The following HCN1 variants were observed in gnomAD, a reference collection of about 807,000 sequenced individuals.
HCN1 encodes the protein potassium/sodium hyperpolarization-activated cyclic nucleotide-gated channel 1.
HCN1 carries 13 observed loss-of-function variants against 78.9 expected under a neutral mutation model. That is an observed-to-expected ratio of 0.16 (90% confidence interval 0.11 to 0.26). HCN1 has a LOEUF of 0.26. Among genes scored for constraint, HCN1 ranks in the 10% least tolerant of loss-of-function variants. The probability of loss-of-function intolerance (pLI) is 1.00; values close to 1 mark genes in which losing one functional copy is unlikely to be tolerated. For synonymous variants in HCN1, 552 were observed against 455.5 expected (o/e 1.21, Z -2.70); for missense variants, 810 against 1,154.3 (o/e 0.70, Z 4.32).
At chr5:45,342,707 TC>T (rs1322488520) in intron 5 of HCN1, among the ~76,000 whole-genome samples, 3 of 152,138 alleles carry the variant, frequency 2.0e-5, no homozygotes, top group Admixed American at 1.3e-4. Context: ...TTATGGCTAT[TC>T]AAAAAATATA....
At chr5:45,466,698 C>T (rs1215002037) in intron 2 of HCN1, among the ~76,000 whole-genome samples, 2 of 152,032 alleles carry the variant, frequency 1.3e-5, no homozygotes, top group African/African-American at 4.8e-5. Flanking sequence ...TGTAATAGTC[C>T]TAATCAATGG....
intron 2 of HCN1, among the ~76,000 whole-genome samples, chr5:45,523,661 T>C (rs1413332661): frequency 7.2e-5 from 11 of 152,266 alleles, no homozygotes; most frequent in African/African-American, 2.6e-4. Context: ...ATGTCTTCTT[T>C]TGAGAGGTGT....
intron 2 of HCN1, among the ~76,000 whole-genome samples, chr5:45,494,752 A>G (rs1741986071): frequency 6.6e-6 from 1 of 152,044 alleles, no homozygotes; most frequent in Admixed American, 6.6e-5. Flanking sequence ...TTAAGTCTTT[A>G]CTCCATCTTG....
At chr5:45,594,568 T>G (rs1005329754) in intron 2 of HCN1, among the ~76,000 whole-genome samples, 1 of 152,188 alleles carries the variant, frequency 6.6e-6, no homozygotes, top group East Asian at 1.9e-4. Context: ...TTTTAGGTTA[T>G]TGAATATCAC....
At chr5:45,354,858 C>T (rs535776835) in intron 4 of HCN1, among the ~76,000 whole-genome samples, 1 of 152,048 alleles carries the variant, frequency 6.6e-6, no homozygotes, top group South Asian at 2.1e-4. Flanking sequence ...ACTTTCTTTT[C>T]CATGCATCTC....
At chr5:45,471,701 T>C (rs570705862) in intron 2 of HCN1, among the ~76,000 whole-genome samples, 56 of 152,088 alleles carry the variant, frequency 3.7e-4, no homozygotes, top group Non-Finnish European at 7.1e-4. Flanking sequence ...ATTGGACTTA[T>C]ATAACATTGA....
intron 3 of HCN1, among the ~76,000 whole-genome samples, chr5:45,457,491 A>G (rs1488284704): frequency 6.6e-6 from 1 of 152,138 alleles, no homozygotes; most frequent in Admixed American, 6.6e-5. Context: ...TGAATGAAAC[A>G]AAAACAAATA....
At position 45,565,696 on chromosome 5, in the gene HCN1, C is replaced by T. The variant is rs138104252; in HGVS notation, c.849+79489G>A. 6.9e-3 allele frequency among the ~76,000 whole-genome samples: 1,048 copies of T among 151,908 alleles called. 6 individuals are homozygous for T. Among genetic ancestry groups the T allele is most frequent in the South Asian group, 0.013 (64 of 4,796 alleles). The stretch of plus-strand genomic sequence containing the variant: ...AAAAATAGCTGGGTGTGGTGTCACA[C>T]GGGAGGCTGAGGTGGGAGGATGGTT... On this transcript the variant is annotated intron_variant, in intron 2 of 7. Coordinates refer to ENST00000303230, the MANE Select transcript of HCN1 (RefSeq NM_021072.4).
intron 2 of HCN1, among the ~76,000 whole-genome samples, chr5:45,600,006 T>A (rs1385148248): frequency 6.6e-6 from 1 of 152,124 alleles, no homozygotes; most frequent in Non-Finnish European, 1.5e-5. Context: ...ACTCAGCACC[T>A]ATTGGTTTCA....
At chr5:45,373,211 T>C (rs1187620630) in intron 4 of HCN1, among the ~76,000 whole-genome samples, 1 of 122,228 alleles carries the variant, frequency 8.2e-6, no homozygotes, top group Non-Finnish European at 1.6e-5. Flanking sequence ...ATTTTATATA[T>C]GTTATATATA....
At chr5:45,391,289 T>C (rs1182324215) in intron 4 of HCN1, among the ~76,000 whole-genome samples, 1 of 152,038 alleles carries the variant, frequency 6.6e-6, no homozygotes, top group East Asian at 1.9e-4. Context: ...AAGTACTCAG[T>C]CGATATGATT....
At chr5:45,341,864 C>A (rs1258434861) in intron 5 of HCN1, among the ~76,000 whole-genome samples, 13 of 152,210 alleles carry the variant, frequency 8.5e-5, no homozygotes, top group African/African-American at 3.1e-4. Flanking sequence ...CACTACAACA[C>A]TCCCACTCAC....
At chr5:45,288,873 CA>C (rs757909127) in intron 6 of HCN1, among the ~76,000 whole-genome samples, 45 of 151,902 alleles carry the variant, frequency 3.0e-4, no homozygotes, top group African/African-American at 7.3e-4. Context: ...GTTATTAGCA[CA>C]GGGGGAAGGC....
chr5:45,261,899 C>T lies in HCN1; in HGVS notation c.*22G>A, dbSNP rs936688340. On this transcript the variant is annotated 3_prime_UTR_variant, in exon 8 of 8. Coordinates refer to ENST00000303230, the MANE Select transcript of HCN1 (RefSeq NM_021072.4). ...TCTCAGTTTATGAGAGTATTTCTTT[C>T]TGCTTTGACAATCAGCAGGGATCAT... 5.0e-6 allele frequency: 8 copies of T among 1,613,694 alleles called. No homozygotes were observed. The highest frequency in any genetic ancestry group is 2.7e-5 in the African/African-American group (2 of 74,832).
intron 5 of HCN1, among the ~76,000 whole-genome samples, chr5:45,345,911 G>A (rs1746692445): frequency 6.6e-6 from 1 of 152,200 alleles, no homozygotes; most frequent in Non-Finnish European, 1.5e-5. Flanking sequence ...TTCTCATGCT[G>A]CTAATAAAGA....
intron 6 of HCN1, among the ~76,000 whole-genome samples, chr5:45,292,920 TCAGA>T (rs1467711730): frequency 6.6e-6 from 1 of 152,040 alleles, no homozygotes; most frequent in African/African-American, 2.4e-5. Flanking sequence ...GTGTTTAAAC[TCAGA>T]CAATTGATAA....
chr5:45,523,452 T>G (rs2111784838), intron 2 of HCN1, among the ~76,000 whole-genome samples: 1 of 152,256 alleles, frequency 6.6e-6, no homozygotes, highest in Admixed American at 6.5e-5. Flanking sequence ...CCACAATGGT[T>G]GAACTAGTTT....
At chr5:45,557,051 T>G (rs1743485530) in intron 2 of HCN1, among the ~76,000 whole-genome samples, 1 of 152,062 alleles carries the variant, frequency 6.6e-6, no homozygotes, top group Non-Finnish European at 1.5e-5. Flanking sequence ...CTGTCTCACT[T>G]CTCTTTTGAA....
At chr5:45,682,527 T>C (rs531965265) in intron 1 of HCN1, among the ~76,000 whole-genome samples, 25 of 151,960 alleles carry the variant, frequency 1.6e-4, no homozygotes, top group African/African-American at 5.8e-4. Flanking sequence ...AAGCATAATA[T>C]TGCTAAAAGT....
Sources: allele counts gnomAD v4.1 joint callset (sites outside exome capture counted in the v4.1 genomes callset), GRCh38; gene constraint gnomAD v4.1.1; transcripts MANE v1.5; gene names NCBI Gene and HGNC (gene_info 2026-07-23, HGNC 2026-07-21).